Variants in CDK5RAP2 observed in about 807,000 individuals in gnomAD.
CDK5RAP2 encodes CDK5 regulatory subunit associated protein 2.
A neutral mutation model predicts 232.9 loss-of-function variants in CDK5RAP2; 147 were observed. The observed-to-expected ratio is 0.63, with a 90% CI of 0.55 to 0.72. The LOEUF (loss-of-function observed/expected upper bound fraction) is 0.72, where lower values mean the gene tolerates loss of function less well. Among genes scored for constraint, CDK5RAP2 ranks in the 30% least tolerant of loss-of-function variants. The pLI is 0.00. For synonymous variants in CDK5RAP2, 833 were observed against 833.7 expected, an observed-to-expected ratio of 1.00 and a Z score of 0.01; for missense variants, 2,195 against 2,231.5, an observed-to-expected ratio of 0.98 and a Z score of 0.33.
At chr9:120,541,503 G>A (rs1273179560) in intron 5 of CDK5RAP2, among the ~76,000 whole-genome samples, 1 of 152,018 alleles carries the variant, frequency 6.6e-6, no homozygotes, top group Non-Finnish European at 1.5e-5. Context: ...TCTACTAATG[G>A]AATTATTATT....
chr9:120,497,449 A>AAAAAAAAAAAAAAAAAAAAAAAC (rs2039358868), intron 12 of CDK5RAP2, among the ~76,000 whole-genome samples: 1 of 141,278 alleles, frequency 7.1e-6, no homozygotes, highest in Non-Finnish European at 1.6e-5. Context: ...AAAAAAAAAA[A>AAAAAAAAAAAAAAAAAAAAAAAC]AAAAAGAATC....
At chr9:120,542,323 G>C (rs977796731) in intron 5 of CDK5RAP2, among the ~76,000 whole-genome samples, 4 of 152,130 alleles carry the variant, frequency 2.6e-5, no homozygotes, top group Non-Finnish European at 5.9e-5. Flanking sequence ...TGGCCAACAT[G>C]GTGAAACCCT....
intron 11 of CDK5RAP2, among the ~76,000 whole-genome samples, chr9:120,523,449 T>C (rs1158543297): frequency 6.6e-6 from 1 of 152,206 alleles, no homozygotes; most frequent in African/African-American, 2.4e-5. Flanking sequence ...CAGTCTAAAG[T>C]GTAATCTTAG....
At chr9:120,519,656 G>A (rs2040530336) in intron 11 of CDK5RAP2, among the ~76,000 whole-genome samples, 1 of 152,206 alleles carries the variant, frequency 6.6e-6, no homozygotes, top group Non-Finnish European at 1.5e-5. Flanking sequence ...CCTTGTTATT[G>A]ATACTTGCAG....
intron 3 of CDK5RAP2, among the ~76,000 whole-genome samples, chr9:120,556,173 C>T (rs188184024): frequency 6.6e-6 from 1 of 152,304 alleles, no homozygotes; most frequent in East Asian, 1.9e-4. Flanking sequence ...CACATACATA[C>T]ATATAGATTA....
chr9:120,513,666 C>T (rs1445561390), intron 12 of CDK5RAP2, among the ~76,000 whole-genome samples: 3 of 152,234 alleles, frequency 2.0e-5, no homozygotes, highest in East Asian at 1.9e-4. Context: ...TTTCTCTGTG[C>T]TCCTGTGGTT....
chr9:120,544,096 G>C (rs1160452384), intron 5 of CDK5RAP2, among the ~76,000 whole-genome samples: 1 of 152,102 alleles, frequency 6.6e-6, no homozygotes, highest in East Asian at 1.9e-4. Context: ...AACGAATAAA[G>C]CTGGTCAGAC....
chr9:120,578,583 T>TTA (rs2043126533), intron 1 of CDK5RAP2, among the ~76,000 whole-genome samples: 2 of 151,340 alleles, frequency 1.3e-5, no homozygotes, highest in Non-Finnish European at 2.9e-5. Flanking sequence ...TTTTTTTTTT[T>TTA]AAAGATAGAG....
At chr9:120,546,143 T>A (rs2041832691) in intron 4 of CDK5RAP2, among the ~76,000 whole-genome samples, 1 of 152,204 alleles carries the variant, frequency 6.6e-6, no homozygotes, top group South Asian at 2.1e-4. Flanking sequence ...TTCTGCGGTG[T>A]GTTTTTCCCA....
At chr9:120,579,608 A>G (rs371635055) in intron 1 of CDK5RAP2, among the ~76,000 whole-genome samples, 99 of 152,162 alleles carry the variant, frequency 6.5e-4, no homozygotes, top group African/African-American at 2.2e-3. Flanking sequence ...TTCTCCACCA[A>G]TCCCCACTAA....
intron 19 of CDK5RAP2, among the ~76,000 whole-genome samples, chr9:120,460,114 T>C (rs2037002438): frequency 1.3e-5 from 2 of 152,118 alleles, no homozygotes; most frequent in African/African-American, 4.8e-5. Flanking sequence ...GAAGGGGAGC[T>C]AAGTTCCATC....
At chr9:120,463,697 T>C (rs189374742) in intron 18 of CDK5RAP2, among the ~76,000 whole-genome samples, 22 of 152,356 alleles carry the variant, frequency 1.4e-4, no homozygotes, top group Non-Finnish European at 3.1e-4. Flanking sequence ...AAAGTTATTC[T>C]GCATTTCCAG....
chr9:120,429,707 G>A (rs1338171127), intron 25 of CDK5RAP2, among the ~76,000 whole-genome samples: 1 of 152,176 alleles, frequency 6.6e-6, no homozygotes, highest in African/African-American at 2.4e-5. Context: ...TAGATTCAAT[G>A]CCATCCCCAT....
At chr9:120,450,960 C>A (rs1051140938) in intron 21 of CDK5RAP2, among the ~76,000 whole-genome samples, 7 of 152,280 alleles carry the variant, frequency 4.6e-5, no homozygotes, top group African/African-American at 1.7e-4. Flanking sequence ...CAAAAGGAGA[C>A]CACGTGGGAG....
chr9:120,474,056 G>A (rs368114550), intron 15 of CDK5RAP2, among the ~76,000 whole-genome samples: 1 of 152,172 alleles, frequency 6.6e-6, no homozygotes, highest in African/African-American at 2.4e-5. Flanking sequence ...AAAATAGCAC[G>A]CCACCACTAC....
intron 1 of CDK5RAP2, among the ~76,000 whole-genome samples, chr9:120,572,832 T>C (rs780309417): frequency 2.8e-4 from 43 of 152,194 alleles, no homozygotes; most frequent in Admixed American, 6.5e-4. Flanking sequence ...GGGAGCAAAA[T>C]ATCATGTCGC....
chr9:120,403,081 GAGA>G lies in CDK5RAP2; in HGVS notation c.5042-13_5042-11del, dbSNP rs769974496. 1.9e-5 allele frequency: 30 copies of G among 1,613,854 alleles called. No individual in the cohort carries two copies. The East Asian group carries it at 6.2e-4, about 34-fold the overall frequency. On this transcript the variant is annotated splice_polypyrimidine_tract_variant and intron_variant, in intron 33 of 37. Coordinates refer to ENST00000349780, the MANE Select transcript of CDK5RAP2 (RefSeq NM_018249.6). The surrounding 1 kb of genome is among the most constrained non-coding windows in gnomAD (Gnocchi z 4.2). Reference sequence around the variant, plus strand: ...GGAGGAGTCTCTGAAACTGTAAAATGAGAAGTAGGATGTAAAATCTGTTTCAGG... The same window carrying G: ...GGAGGAGTCTCTGAAACTGTAAAATGAGTAGGATGTAAAATCTGTTTCAGG...
At chr9:120,491,038 C>T (rs995096839) in intron 13 of CDK5RAP2, among the ~76,000 whole-genome samples, 2 of 152,170 alleles carry the variant, frequency 1.3e-5, no homozygotes, top group African/African-American at 4.8e-5. Context: ...GTGGCCTGAG[C>T]ACTAGGGCAA....
chr9:120,429,939 C>T (rs573675438), intron 25 of CDK5RAP2, among the ~76,000 whole-genome samples: 1 of 152,194 alleles, frequency 6.6e-6, no homozygotes, highest in Admixed American at 6.5e-5. Flanking sequence ...CAGAACAGAG[C>T]CCTCAGAAAT....
Sources: allele counts gnomAD v4.1 joint callset (sites outside exome capture counted in the v4.1 genomes callset), GRCh38; gene constraint gnomAD v4.1.1; non-coding constraint Gnocchi (gnomAD v3.1); transcripts MANE v1.5; gene names NCBI Gene and HGNC (gene_info 2026-07-23, HGNC 2026-07-21).